The following CA10 variants were observed in gnomAD, a reference collection of about 807,000 sequenced individuals.
The protein encoded by CA10 is carbonic anhydrase 10 (inactive), also known as carbonic anhydrase-related protein 10.
CA10 carries 14 observed loss-of-function variants against 44.2 expected under a neutral mutation model. The observed-to-expected ratio is 0.32, with a 90% CI of 0.21 to 0.50. The LOEUF is 0.50. Ranked by LOEUF, CA10 falls within the 20% of genes least tolerant of loss-of-function variation. The pLI is 0.99. For synonymous variants in CA10, 159 were observed against 141.6 expected (o/e 1.12, Z -0.87); for missense variants, 350 against 409.7 (o/e 0.85, Z 1.26).
chr17:51,850,381 G>A (rs1978739936), intron 3 of CA10, among the ~76,000 whole-genome samples: 1 of 152,196 alleles, frequency 6.6e-6, no homozygotes, highest in Non-Finnish European at 1.5e-5. Flanking sequence ...CAGCAAACAA[G>A]TACACTCGCC....
intron 3 of CA10, among the ~76,000 whole-genome samples, chr17:51,907,633 TCG>T (rs1981613828): frequency 6.6e-6 from 1 of 152,098 alleles, no homozygotes; most frequent in African/African-American, 2.4e-5. Context: ...CTGTGCAAGA[TCG>T]CACCTCATTC....
chr17:51,853,397 G>A (rs1183983373), intron 3 of CA10, among the ~76,000 whole-genome samples: 1 of 152,158 alleles, frequency 6.6e-6, no homozygotes, highest in African/African-American at 2.4e-5. Flanking sequence ...TGCTGGTCAG[G>A]GGCCTTGCTC....
intron 1 of CA10, among the ~76,000 whole-genome samples, chr17:52,081,264 A>T (rs113259085): frequency 2.0e-5 from 3 of 150,934 alleles, no homozygotes; most frequent in African/African-American, 7.3e-5. Context: ...AGATTTAAAT[A>T]AAAATAATTG....
At chr17:51,849,225 A>ATGTGTG (rs201096877) in intron 3 of CA10, among the ~76,000 whole-genome samples, 1 of 29,832 alleles carries the variant, frequency 3.4e-5, no homozygotes, top group African/African-American at 1.7e-4. Context: ...ATATACATAT[A>ATGTGTG]TGTGTGTGTA....
At chr17:51,857,009 G>T (rs917691169) in intron 3 of CA10, among the ~76,000 whole-genome samples, 2 of 152,154 alleles carry the variant, frequency 1.3e-5, no homozygotes, top group African/African-American at 4.8e-5. Context: ...AAACAGGGAG[G>T]TTGATCTTAT....
intron 3 of CA10, among the ~76,000 whole-genome samples, chr17:51,892,128 G>A (rs982607738): frequency 1.3e-5 from 2 of 152,292 alleles, no homozygotes; most frequent in East Asian, 1.9e-4. Context: ...TGGACTTGGA[G>A]AGAATAGTTA....
At chr17:52,146,417 G>A (rs1234272652) in intron 1 of CA10, among the ~76,000 whole-genome samples, 2 of 152,022 alleles carry the variant, frequency 1.3e-5, no homozygotes, top group Non-Finnish European at 2.9e-5. Context: ...TAGGCCGGGC[G>A]CGGTGGCTCA....
At chr17:51,951,421 G>A (rs374864495) in intron 2 of CA10, among the ~76,000 whole-genome samples, 6 of 152,202 alleles carry the variant, frequency 3.9e-5, no homozygotes, top group South Asian at 4.2e-4. Flanking sequence ...CCTGTTCCCC[G>A]GCTCAGTTAC....
At chr17:51,810,572 G>T (rs944924963) in intron 3 of CA10, among the ~76,000 whole-genome samples, 5 of 152,176 alleles carry the variant, frequency 3.3e-5, no homozygotes, top group African/African-American at 9.7e-5. Context: ...GAAGTGTCAG[G>T]CAGGACTTGC....
chr17:51,940,708 G>C (rs1197235491), intron 2 of CA10, among the ~76,000 whole-genome samples: 1 of 151,148 alleles, frequency 6.6e-6, no homozygotes. Context: ...CTGGCAAGTG[G>C]TGAGGTCAAA....
At chr17:51,765,690 C>CGTGTGTGTGTGT (rs1567832322) in intron 3 of CA10, among the ~76,000 whole-genome samples, 1 of 90,904 alleles carries the variant, frequency 1.1e-5, no homozygotes, top group Non-Finnish European at 2.4e-5. Flanking sequence ...CAGGCAGCTC[C>CGTGTGTGTGTGT]CTGTGTGTGT....
chr17:51,718,972 T>A (rs555845493), intron 4 of CA10, among the ~76,000 whole-genome samples: 1 of 152,302 alleles, frequency 6.6e-6, no homozygotes, highest in South Asian at 2.1e-4. Flanking sequence ...TAGCACAGCA[T>A]CACACATGGG....
chr17:51,707,484 C>T (rs889833442), intron 4 of CA10, among the ~76,000 whole-genome samples: 3 of 152,282 alleles, frequency 2.0e-5, no homozygotes, highest in South Asian at 2.1e-4. Flanking sequence ...AAATATCTCT[C>T]GGTTCCCTGA....
chr17:51,704,619 T>C (rs1320423205), intron 4 of CA10, among the ~76,000 whole-genome samples: 1 of 152,198 alleles, frequency 6.6e-6, no homozygotes, highest in African/African-American at 2.4e-5. Context: ...CTGTCCACCT[T>C]GCCCATCCAC....
intron 3 of CA10, among the ~76,000 whole-genome samples, chr17:51,840,749 T>C (rs546599337): frequency 5.3e-5 from 8 of 152,244 alleles, no homozygotes; most frequent in South Asian, 2.1e-4. Context: ...AAACTGACTA[T>C]GAGCGGAAGG....
chr17:52,081,428 C>A (rs1987972372), intron 1 of CA10, among the ~76,000 whole-genome samples: 1 of 152,074 alleles, frequency 6.6e-6, no homozygotes, highest in African/African-American at 2.4e-5. Context: ...TGAGGCCGGA[C>A]AATGTAAGTA....
At chr17:51,997,424 A>G (rs1023966393) in intron 2 of CA10, among the ~76,000 whole-genome samples, 6 of 152,126 alleles carry the variant, frequency 3.9e-5, no homozygotes, top group Non-Finnish European at 5.9e-5. Context: ...AGTGTAAAAA[A>G]GTAGTAGATG....
intron 1 of CA10, among the ~76,000 whole-genome samples, chr17:52,144,380 C>A (rs989482014): frequency 1.3e-5 from 2 of 152,136 alleles, no homozygotes; most frequent in African/African-American, 4.8e-5. Context: ...AGCCAGGGTT[C>A]TATTTATGCC....
intron 1 of CA10, among the ~76,000 whole-genome samples, chr17:52,150,879 C>T (rs1989688830): frequency 6.6e-6 from 1 of 151,864 alleles, no homozygotes; most frequent in Non-Finnish European, 1.5e-5. Flanking sequence ...CCTGAAAATA[C>T]CAAATCTCAA....
Sources: gnomAD v4.1 joint callset for allele counts (sites outside exome capture counted in the v4.1 genomes callset) on GRCh38, gnomAD v4.1.1 for gene constraint, MANE v1.5 for transcripts, NCBI Gene and HGNC (gene_info 2026-07-23, HGNC 2026-07-21) for gene names.